ASPM: variants seen among roughly 807,000 people sequenced by gnomAD.
ASPM encodes assembly factor for spindle microtubules.
A neutral mutation model predicts 366.4 loss-of-function variants in ASPM; 256 were observed. The ratio of observed to expected loss-of-function variants is 0.70; its 90% CI spans 0.63 to 0.77. The LOEUF (loss-of-function observed/expected upper bound fraction) is 0.77, where lower values mean the gene tolerates loss of function less well. ASPM is among the 30% of genes least tolerant of loss of function. ASPM has a pLI of 0.00. For missense variants in ASPM, 4,146 were observed against 4,090.4 expected (o/e 1.01, Z -0.37); for synonymous variants, 1,414 against 1,342.9 (o/e 1.05, Z -1.16).
intron 17 of ASPM, among the ~76,000 whole-genome samples, chr1:197,114,197 T>C (rs1367736087): frequency 6.6e-6 from 1 of 152,190 alleles, no homozygotes; most frequent in Non-Finnish European, 1.5e-5. Context: ...TGCAAAACCA[T>C]TGTGTCTAAA....
chr1:197,103,237 CTA>C lies in ASPM; in HGVS notation c.6012_6013del (p.Tyr2004Ter), dbSNP rs758639053. On this transcript the variant is annotated stop_gained and frameshift_variant, in exon 18 of 28. Coordinates refer to ENST00000367409, the MANE Select transcript of ASPM (RefSeq NM_018136.5). LOFTEE classifies it high-confidence loss of function. Reference sequence around the variant, plus strand: ...CTGTTCTCTTCCAATACTGTAAGCCCTATAATACTTTTGAATCAGAAGAGCAG... The same window carrying C: ...CTGTTCTCTTCCAATACTGTAAGCCCTAATACTTTTGAATCAGAAGAGCAG... The C allele has an allele frequency of 6.2e-7, 1 of 1,612,690 alleles. No individual in the cohort carries two copies. The highest frequency in any genetic ancestry group is 2.2e-5 in the East Asian group (1 of 44,834).
chr1:197,124,649 A>G (rs544805490), intron 12 of ASPM, among the ~76,000 whole-genome samples: 66 of 152,036 alleles, frequency 4.3e-4, no homozygotes, highest in African/African-American at 1.5e-3. Context: ...AGAGGTAGAC[A>G]TAACACCTAC....
intron 4 of ASPM, among the ~76,000 whole-genome samples, chr1:197,137,928 C>T (rs1356332908): frequency 2.0e-5 from 3 of 152,130 alleles, no homozygotes; most frequent in African/African-American, 7.2e-5. Context: ...TTAAGTCTGA[C>T]ATAAAAGCAT....
rs888790558 is a variant in ASPM, at chr1:197,122,140, A to G, written c.3741+19T>C. On this transcript the variant is annotated intron_variant, in intron 15 of 27. Coordinates refer to ENST00000367409, the MANE Select transcript of ASPM (RefSeq NM_018136.5). ...ACTTTATTATTGAATTAATAATTAGAAACTCTTCTTTTACTTACCTTTTCA... is the reference window on the plus strand; with the variant it reads ...ACTTTATTATTGAATTAATAATTAGGAACTCTTCTTTTACTTACCTTTTCA... 8 of 1,598,456 alleles carry G rather than the reference A, an allele frequency of 5.0e-6. No individual in the cohort carries two copies. The highest frequency in any genetic ancestry group is 6.9e-6 in the Non-Finnish European group (8 of 1,166,698).
chr1:197,117,920 A>G lies in ASPM; in HGVS notation c.3934T>C (p.Leu1312=), dbSNP rs1657790801. 1 of 1,613,476 alleles carries G rather than the reference A, an allele frequency of 6.2e-7. No individual in the cohort carries two copies. The highest frequency in any genetic ancestry group is 8.5e-7 in the Non-Finnish European group (1 of 1,179,646). ...AGTGCTGCATTAACTCTTTTTCTCA[A>G]TCTTTGTTTTGCTAGAAAATTGATT... The part of the protein sequence containing the change: ...AVINFLAKQR[L]RKRVNAALVI... Residue 1312 remains leucine (L), a synonymous_variant, in exon 17 of 28, where the codon TTG becomes CTG. Coordinates refer to ENST00000367409, the MANE Select transcript of ASPM (RefSeq NM_018136.5).
chr1:197,117,735 T>C (rs774199400), intron 17 of ASPM, 54 bp downstream of exon 17: 16 of 1,491,346 alleles, frequency 1.1e-5, no homozygotes, highest in Admixed American at 1.9e-5. Context: ...GCCTTCTTAC[T>C]TAAAAAAGTC....
In ASPM at chr1:197,104,807, G is replaced by A. The variant is rs371997190; in HGVS notation, c.4444C>T (p.Arg1482Trp). The part of the protein sequence containing the change: ...QSWYRMHKEL[R>W]KYIYIRSCVV... ...CAAGATCTAATATAAATATATTTCC[G>A]TAATTCTTTATGCATTCTATACCAT... The change falls in exon 18 of 28, where the codon CGG (arginine) becomes TGG (tryptophan). Residue 1482 changes from arginine to tryptophan, a missense_variant. Arg to Trp is a moderately radical substitution (Grantham distance 101). This residue lies in a region of ASPM where 3,624 missense variants were observed against 3,591.7 expected (regional missense o/e 1.01). Transcript: ENST00000367409. 8.9e-5 allele frequency: 140 copies of A among 1,578,920 alleles called. 1 individual carries two copies. The highest frequency in any genetic ancestry group is 2.4e-4 in the South Asian group (20 of 84,446).
chr1:197,089,573 ATT>A (rs1433055756), intron 25 of ASPM, among the ~76,000 whole-genome samples: 1 of 151,878 alleles, frequency 6.6e-6, no homozygotes, highest in Non-Finnish European at 1.5e-5. Context: ...AATTATTATT[ATT>A]TTTTCTCTAT....
intron 25 of ASPM, among the ~76,000 whole-genome samples, chr1:197,088,878 C>T (rs1037443538): frequency 7.9e-5 from 12 of 151,770 alleles, no homozygotes; most frequent in African/African-American, 1.2e-4. Context: ...AGAGCTTGCT[C>T]GAAAATAAAA....
rs1406621372 is a variant in ASPM, at chr1:197,133,388, A to G, written c.2381T>C (p.Leu794Ser). 3.1e-6 allele frequency: 5 copies of G among 1,613,882 alleles called. No individual in the cohort carries two copies. Among genetic ancestry groups the G allele is most frequent in the Non-Finnish European group, 4.2e-6 (5 of 1,179,946 alleles). Residue 794 changes from leucine (L) to serine (S), a missense_variant, in exon 6 of 28, where the codon TTA becomes TCA. Leu to Ser is a moderately radical substitution (Grantham distance 145). Around this residue, in one of 3 missense-constraint regions of ASPM, gnomAD observed 3,624 missense variants for 3,591.7 expected, o/e 1.01. Coordinates refer to ENST00000367409, the MANE Select transcript of ASPM (RefSeq NM_018136.5). ...TAGGTGTCTATCTTTTCGAACAATT[A>G]ACCGCCTAGCTTCAATTTCAATTTC... ...KLEIEIEARR[L>S]IVRKDRHLWK...
intron 16 of ASPM, among the ~76,000 whole-genome samples, chr1:197,119,751 T>C (rs1657848865): frequency 1.3e-5 from 2 of 152,094 alleles, no homozygotes; most frequent in Non-Finnish European, 2.9e-5. Flanking sequence ...TGGCTATTTG[T>C]TGACAGGAAG....
chr1:197,111,505 A>G (rs1571607319), intron 17 of ASPM, among the ~76,000 whole-genome samples: 1 of 152,246 alleles, frequency 6.6e-6, no homozygotes. Context: ...GGCTACTTTG[A>G]AAATCAATTT....
In ASPM at chr1:197,143,579, T is replaced by C. The variant is rs746084990; in HGVS notation, c.673A>G (p.Ser225Gly). The C allele has an allele frequency of 5.0e-6, 8 of 1,613,416 alleles. No homozygotes were observed. The South Asian group carries it at 7.7e-5, about 15-fold the overall frequency. The change falls in exon 3 of 28, where the codon AGC (serine) becomes GGC (glycine). Residue 225 changes from serine to glycine, a missense_variant. Physicochemically the swap from Ser to Gly is moderately conservative, Grantham distance 56 (BLOSUM62 0). This residue lies in a region of ASPM where 512 missense variants were observed against 471.7 expected (regional missense o/e 1.09). Transcript: ENST00000367409. ...CCATGGCATTCATTGAAAGCAGGGC[T>C]AATAGGTGATATGGGTATTTTATTT... The part of the protein sequence containing the change: ...EENKIPISPI[S>G]PAFNECHGAT...
At chr1:197,113,547 C>T (rs996938173) in intron 17 of ASPM, among the ~76,000 whole-genome samples, 6 of 151,946 alleles carry the variant, frequency 3.9e-5, no homozygotes, top group African/African-American at 1.5e-4. Context: ...GAAGACAAAA[C>T]ATTAATGCTT....
chr1:197,142,612 A>G lies in ASPM; in HGVS notation c.1640T>C (p.Ile547Thr). 1 of 1,612,838 alleles carries G rather than the reference A, an allele frequency of 6.2e-7. No individual in the cohort carries two copies. Among genetic ancestry groups the G allele is most frequent in the Non-Finnish European group, 8.5e-7 (1 of 1,178,976 alleles). The change falls in exon 3 of 28, where the codon ATT becomes ACT. Residue 547 changes from isoleucine (I) to threonine (T), a missense_variant. By Grantham distance (89) the Ile-to-Thr change is moderately conservative. This residue lies in a region of ASPM where 3,624 missense variants were observed against 3,591.7 expected (regional missense o/e 1.01). Coordinates refer to ENST00000367409, the MANE Select transcript of ASPM (RefSeq NM_018136.5). Reference protein sequence around the residue: ...EKEDFHSYLPIIDPILSKSKS... With the variant: ...EKEDFHSYLPTIDPILSKSKS... ...AGATTTACTTAATATTGGATCTATA[A>G]TTGGAAGATAAGAATGAAAATCTTC...
At chr1:197,092,078 A>T (rs751565347) in intron 21 of ASPM, 22 bp from the exon 22 acceptor site, 3 of 1,610,112 alleles carry the variant, frequency 1.9e-6, no homozygotes. Flanking sequence ...AAAACAAAGC[A>T]TATTCAAGTA....
intron 4 of ASPM, chr1:197,139,097 G>T: frequency 1.3e-6 from 1 of 759,114 alleles, no homozygotes; most frequent in Non-Finnish European, 2.4e-6. Flanking sequence ...TGCAGTTTTT[G>T]GTACCTACAG....
rs1379393587 is a variant in ASPM, at chr1:197,100,659, G to C, written c.8592C>G (p.Ile2864Met). Reference sequence around the variant, plus strand: ...ACGTCCTAAAATAATGCTGTAAAGTGATAGCAGCTCTTTTCTGCTGAACAA... The same window carrying C: ...ACGTCCTAAAATAATGCTGTAAAGTCATAGCAGCTCTTTTCTGCTGAACAA... Reference protein sequence around the residue: ...RRFVQQKRAAITLQHYFRTWQ... With the variant: ...RRFVQQKRAAMTLQHYFRTWQ... Residue 2864 changes from isoleucine to methionine, a missense_variant, in exon 18 of 28, where the codon ATC (isoleucine) becomes ATG (methionine). Transcript: ENST00000367409. 1.9e-6 allele frequency: 3 copies of C among 1,612,176 alleles called. No homozygotes were observed. Among genetic ancestry groups the C allele is most frequent in the African/African-American group, 2.7e-5 (2 of 74,798 alleles).
chr1:197,104,740 T>C lies in ASPM; in HGVS notation c.4511A>G (p.Gln1504Arg). ...CTCTTTTCTTCTTTTATATAACTTTTGGGCTTGAAAGCACCGAAATCTTTT... is the reference window on the plus strand; with the variant it reads ...CTCTTTTCTTCTTTTATATAACTTTCGGGCTTGAAAGCACCGAAATCTTTT... ...IQKRFRCFQA[Q>R]KLYKRRKESI... Residue 1504 changes from glutamine to arginine, a missense_variant, in exon 18 of 28, where the codon CAA becomes CGA. By Grantham distance (43) the Gln-to-Arg change is conservative. Transcript: ENST00000367409. 3 of 1,606,506 alleles carry C rather than the reference T, an allele frequency of 1.9e-6. No individual in the cohort carries two copies. The highest frequency in any genetic ancestry group is 2.5e-6 in the Non-Finnish European group (3 of 1,177,180).
Sources: allele counts gnomAD v4.1 joint callset (sites outside exome capture counted in the v4.1 genomes callset), GRCh38; gene constraint gnomAD v4.1.1; regional missense constraint gnomAD v4.1.1; transcripts MANE v1.5; gene names NCBI Gene and HGNC (gene_info 2026-07-23, HGNC 2026-07-21).